KCTD8: variants seen among roughly 807,000 people sequenced by gnomAD.
KCTD8 encodes BTB/POZ domain-containing protein KCTD8.
Under a neutral mutation model 31.5 loss-of-function variants are expected in KCTD8, and 27 were observed. That is an observed-to-expected ratio of 0.86 (90% CI 0.63 to 1.18). KCTD8 has a LOEUF of 1.18. Ranked by LOEUF, KCTD8 falls within the 50% of genes most tolerant of loss-of-function variation. The pLI, the probability that KCTD8 is intolerant of heterozygous loss-of-function variation, is 0.00. For synonymous variants in KCTD8, 290 were observed against 280.0 expected (o/e 1.04, Z -0.36); for missense variants, 658 against 647.7 (o/e 1.02, Z -0.17).
chr4:44,404,919 C>A (rs1284728428), intron 1 of KCTD8, among the ~76,000 whole-genome samples: 1 of 152,164 alleles, frequency 6.6e-6, no homozygotes. Context: ...ATAATAATCA[C>A]AGTTCACCTT....
At chr4:44,225,251 T>G (rs1156938877) in intron 1 of KCTD8, among the ~76,000 whole-genome samples, 1 of 152,256 alleles carries the variant, frequency 6.6e-6, no homozygotes, top group Non-Finnish European at 1.5e-5. Context: ...CATGGCAATT[T>G]CTATTTGATT....
At chr4:44,241,747 A>AGGCACGG (rs1715462242) in intron 1 of KCTD8, among the ~76,000 whole-genome samples, 1 of 152,218 alleles carries the variant, frequency 6.6e-6, no homozygotes, top group Non-Finnish European at 1.5e-5. Context: ...TTTGAATAGC[A>AGGCACGG]GGCACGGTTA....
intron 1 of KCTD8, among the ~76,000 whole-genome samples, chr4:44,314,480 C>A (rs777992884): frequency 3.3e-5 from 5 of 152,182 alleles, no homozygotes; most frequent in Middle Eastern, 3.4e-3. Context: ...TATTTTATTT[C>A]CCTAATTACA....
At chr4:44,398,229 C>T (rs555044222) in intron 1 of KCTD8, among the ~76,000 whole-genome samples, 8 of 152,224 alleles carry the variant, frequency 5.3e-5, no homozygotes, top group African/African-American at 9.6e-5. Flanking sequence ...GTTAGTTCTC[C>T]GAAGTAACTT....
At chr4:44,269,689 T>C (rs1306617890) in intron 1 of KCTD8, among the ~76,000 whole-genome samples, 1 of 152,014 alleles carries the variant, frequency 6.6e-6, no homozygotes, top group East Asian at 1.9e-4. Context: ...CAAACAAATT[T>C]ACAAGAAAAA....
chr4:44,422,366 G>A (rs1055645829), intron 1 of KCTD8, among the ~76,000 whole-genome samples: 6 of 152,014 alleles, frequency 3.9e-5, no homozygotes, highest in Non-Finnish European at 8.8e-5. Context: ...TTGTGTAAAT[G>A]GGAAGGAGGA....
Position 44,188,327 on chromosome 4 carries a change from C to T in KCTD8, c.962-13077G>A, listed in dbSNP as rs368609029. On this transcript the variant is annotated intron_variant, in intron 1 of 1. Coordinates refer to ENST00000360029, the MANE Select transcript of KCTD8 (RefSeq NM_198353.3). Reference sequence around the variant, plus strand: ...ATATGTGCATAGCAGGGTTTAATTTCATTTCATAGTACAATAAAAAAGTGC... The same window carrying T: ...ATATGTGCATAGCAGGGTTTAATTTTATTTCATAGTACAATAAAAAAGTGC... 3.3e-5 allele frequency among the ~76,000 whole-genome samples: 5 copies of T among 152,298 alleles called. No homozygotes were observed. The East Asian group carries it at 7.7e-4, about 23-fold the overall frequency.
At chr4:44,187,990 C>CATAT (rs551883465) in intron 1 of KCTD8, among the ~76,000 whole-genome samples, 2 of 142,142 alleles carry the variant, frequency 1.4e-5, no homozygotes, top group Admixed American at 7.0e-5. Context: ...CACACACACA[C>CATAT]ATATATATAT....
At chr4:44,317,486 G>T (rs62304847) in intron 1 of KCTD8, among the ~76,000 whole-genome samples, 1 of 142,236 alleles carries the variant, frequency 7.0e-6, no homozygotes, top group Non-Finnish European at 1.5e-5. Context: ...TGATCCACCC[G>T]CCTCGGCCTC....
At chr4:44,274,117 A>G (rs2109374318) in intron 1 of KCTD8, among the ~76,000 whole-genome samples, 1 of 152,050 alleles carries the variant, frequency 6.6e-6, no homozygotes, top group East Asian at 1.9e-4. Context: ...AAATTTAGAT[A>G]AAGTAAAAAA....
At chr4:44,245,771 T>C (rs181225831) in intron 1 of KCTD8, among the ~76,000 whole-genome samples, 132 of 152,062 alleles carry the variant, frequency 8.7e-4, no homozygotes, top group African/African-American at 3.1e-3. Context: ...AGAAGACTGA[T>C]TGCAGAAAAA....
At chr4:44,373,979 A>G (rs1719856699) in intron 1 of KCTD8, among the ~76,000 whole-genome samples, 1 of 152,166 alleles carries the variant, frequency 6.6e-6, no homozygotes, top group Admixed American at 6.6e-5. Flanking sequence ...TTTTTTTCCA[A>G]GTACTATTCT....
At chr4:44,262,824 C>T (rs898273218) in intron 1 of KCTD8, among the ~76,000 whole-genome samples, 1 of 152,096 alleles carries the variant, frequency 6.6e-6, no homozygotes, top group African/African-American at 2.4e-5. Flanking sequence ...AAATTTACTC[C>T]CCATTGAATA....
At chr4:44,237,804 G>A (rs1715336224) in intron 1 of KCTD8, among the ~76,000 whole-genome samples, 1 of 152,120 alleles carries the variant, frequency 6.6e-6, no homozygotes, top group African/African-American at 2.4e-5. Flanking sequence ...CACATCATAG[G>A]AGTGAGATGA....
chr4:44,264,284 C>A (rs1577581547), intron 1 of KCTD8, among the ~76,000 whole-genome samples: 1 of 151,922 alleles, frequency 6.6e-6, no homozygotes, highest in East Asian at 1.9e-4. Context: ...ATTAGCTTAC[C>A]CTAATATTTG....
intron 1 of KCTD8, among the ~76,000 whole-genome samples, chr4:44,402,632 G>A (rs1720693029): frequency 6.6e-6 from 1 of 152,036 alleles, no homozygotes; most frequent in South Asian, 2.1e-4. Flanking sequence ...CCCTAGAAAT[G>A]TATTTACACT....
intron 1 of KCTD8, among the ~76,000 whole-genome samples, chr4:44,208,921 A>G (rs757558145): frequency 6.6e-6 from 1 of 152,150 alleles, no homozygotes; most frequent in Non-Finnish European, 1.5e-5. Context: ...TTTGTCCATG[A>G]TCTAAATCTG....
intron 1 of KCTD8, among the ~76,000 whole-genome samples, chr4:44,383,218 A>G (rs1307012241): frequency 1.3e-5 from 2 of 152,116 alleles, no homozygotes; most frequent in Non-Finnish European, 2.9e-5. Context: ...TGTAAGAATT[A>G]ACATTGTTAA....
At chr4:44,185,250 A>C (rs1265935761) in intron 1 of KCTD8, among the ~76,000 whole-genome samples, 1 of 150,636 alleles carries the variant, frequency 6.6e-6, no homozygotes, top group Non-Finnish European at 1.5e-5. Context: ...CAATTCTACC[A>C]TTACAGCAAC....
Sources: gnomAD v4.1 joint callset for allele counts (sites outside exome capture counted in the v4.1 genomes callset) on GRCh38, gnomAD v4.1.1 for gene constraint, MANE v1.5 for transcripts, NCBI Gene and HGNC (gene_info 2026-07-23, HGNC 2026-07-21) for gene names.